Variants in TMEM135 observed in about 807,000 individuals in gnomAD.
The protein encoded by TMEM135 is transmembrane protein 135, also known as peroxisomal membrane protein 52.
Under a neutral mutation model 60.3 loss-of-function variants are expected in TMEM135, and 30 were observed. That is an observed-to-expected ratio of 0.50 (90% CI 0.37 to 0.68). The LOEUF is 0.68. Among genes scored for constraint, TMEM135 ranks in the 30% least tolerant of loss-of-function variants. The probability of loss-of-function intolerance (pLI) is 0.00; values close to 1 mark genes in which losing one functional copy is unlikely to be tolerated. For synonymous variants in TMEM135, 190 were observed against 186.7 expected, an observed-to-expected ratio of 1.02 and a Z score of -0.14; for missense variants, 468 against 548.8, an observed-to-expected ratio of 0.85 and a Z score of 1.47.
At chr11:87,205,961 A>G (rs1354591010) in intron 5 of TMEM135, among the ~76,000 whole-genome samples, 1 of 152,150 alleles carries the variant, frequency 6.6e-6, no homozygotes, top group Non-Finnish European at 1.5e-5. Flanking sequence ...CCTTGATAGA[A>G]TGAGTATGAG....
At chr11:87,275,029 G>A (rs1329609185) in intron 6 of TMEM135, among the ~76,000 whole-genome samples, 1 of 151,180 alleles carries the variant, frequency 6.6e-6, no homozygotes. Context: ...TTAATATTTT[G>A]TTGTAATATT....
chr11:87,172,594 G>A (rs997196773), intron 5 of TMEM135, among the ~76,000 whole-genome samples: 68 of 151,700 alleles, frequency 4.5e-4, no homozygotes, highest in African/African-American at 1.4e-3. Context: ...TCTTTGTTAG[G>A]GATTTCTATT....
At chr11:87,279,631 G>A (rs1942025241) in intron 6 of TMEM135, among the ~76,000 whole-genome samples, 1 of 152,138 alleles carries the variant, frequency 6.6e-6, no homozygotes. Flanking sequence ...ATTGCTTGTT[G>A]AACAGATATA....
At chr11:87,154,145 T>C (rs1437424149) in intron 4 of TMEM135, among the ~76,000 whole-genome samples, 1 of 152,154 alleles carries the variant, frequency 6.6e-6, no homozygotes, top group Non-Finnish European at 1.5e-5. Context: ...ATTTCTCCTC[T>C]CTCAGCCTCT....
At chr11:87,126,833 T>C (rs952631785) in intron 4 of TMEM135, among the ~76,000 whole-genome samples, 2 of 152,108 alleles carry the variant, frequency 1.3e-5, no homozygotes, top group Admixed American at 6.6e-5. Flanking sequence ...AAAATTTATG[T>C]TTGGATTCTG....
At chr11:87,179,833 C>T (rs1939469426) in intron 5 of TMEM135, among the ~76,000 whole-genome samples, 1 of 152,224 alleles carries the variant, frequency 6.6e-6, no homozygotes, top group Non-Finnish European at 1.5e-5. Flanking sequence ...ACAGAATACA[C>T]AGCACAGCTG....
At chr11:87,104,286 GGTCT>G (rs1027512235) in intron 4 of TMEM135, among the ~76,000 whole-genome samples, 5 of 151,932 alleles carry the variant, frequency 3.3e-5, no homozygotes, top group South Asian at 2.1e-4. Flanking sequence ...CTGTTCCGTT[GGTCT>G]GTCTGTCTTT....
intron 4 of TMEM135, among the ~76,000 whole-genome samples, chr11:87,126,741 A>G (rs900669978): frequency 6.6e-6 from 1 of 152,154 alleles, no homozygotes. Context: ...AGCAAATGCT[A>G]TAGAAATACT....
At chr11:87,202,575 G>A (rs1020210494) in intron 5 of TMEM135, among the ~76,000 whole-genome samples, 1 of 152,102 alleles carries the variant, frequency 6.6e-6, no homozygotes, top group Non-Finnish European at 1.5e-5. Context: ...TTATTAACCT[G>A]TGCAACTGTT....
rs929296520 is a variant in TMEM135 at position 87,038,555 on chromosome 11, G to T, written c.141+369G>T. Among the ~76,000 whole-genome samples the T allele has an allele frequency of 3.3e-5, 5 of 150,892 alleles. No homozygotes were observed. The South Asian group carries it at 6.3e-4, about 19-fold the overall frequency. The stretch of plus-strand genomic sequence containing the variant: ...GGAGAGGTATTTGTAGGTCAGCGAG[G>T]CTATGAGAAGGACCTGCAATCTTTC... On this transcript the variant is annotated intron_variant, in intron 1 of 14. Transcript: ENST00000305494.
intron 5 of TMEM135, among the ~76,000 whole-genome samples, chr11:87,162,176 T>G (rs1938898094): frequency 6.6e-6 from 1 of 151,986 alleles, no homozygotes; most frequent in Non-Finnish European, 1.5e-5. Flanking sequence ...TCAGAAGATG[T>G]CTTAAAGGAG....
intron 4 of TMEM135, among the ~76,000 whole-genome samples, chr11:87,104,652 C>T (rs1324174739): frequency 6.6e-6 from 1 of 151,792 alleles, no homozygotes; most frequent in African/African-American, 2.4e-5. Context: ...TTAAATATAC[C>T]CCTAAGGATT....
chr11:87,074,325 C>G (rs1172557907), intron 3 of TMEM135, among the ~76,000 whole-genome samples: 1 of 152,066 alleles, frequency 6.6e-6, no homozygotes. Context: ...AGAACAGTGC[C>G]TGACACATAG....
intron 5 of TMEM135, among the ~76,000 whole-genome samples, chr11:87,216,765 A>G (rs1439676415): frequency 1.3e-5 from 2 of 152,224 alleles, no homozygotes; most frequent in East Asian, 3.8e-4. Context: ...GCCTTAAGCC[A>G]TTTCTAAAAT....
intron 6 of TMEM135, among the ~76,000 whole-genome samples, chr11:87,262,955 T>G (rs1332447786): frequency 2.6e-5 from 4 of 152,192 alleles, no homozygotes; most frequent in Non-Finnish European, 5.9e-5. Context: ...CTGAGTTGTT[T>G]TTGTTATAAG....
At chr11:87,178,804 G>A (rs1454779306) in intron 5 of TMEM135, among the ~76,000 whole-genome samples, 1 of 151,824 alleles carries the variant, frequency 6.6e-6, no homozygotes, top group Non-Finnish European at 1.5e-5. Context: ...CCATTGTTTG[G>A]ATTACATTTT....
Position 87,276,607 on chromosome 11 carries a change from T to C in TMEM135, c.510-19175T>C, listed in dbSNP as rs1301216084. Among the ~76,000 whole-genome samples, 3 of 151,672 alleles carry C rather than the reference T, an allele frequency of 2.0e-5. No homozygotes were observed. In the East Asian group the frequency reaches 5.8e-4, roughly 29 times the overall value. On this transcript the variant is annotated intron_variant, in intron 6 of 14. Transcript: ENST00000305494. ...TCACTGGGAGAGATTTCATTGAATG[T>C]AACGCATAGAATTTTATATTCATAA...
chr11:87,269,411 T>C (rs937985237), intron 6 of TMEM135, among the ~76,000 whole-genome samples: 4 of 151,574 alleles, frequency 2.6e-5, no homozygotes, highest in African/African-American at 9.7e-5. Flanking sequence ...TAGTTACATA[T>C]GTATACATGT....
At chr11:87,236,735 G>T in intron 6 of TMEM135, 51 bp downstream of exon 6, 1 of 1,535,274 alleles carries the variant, frequency 6.5e-7, no homozygotes. Context: ...GTATCTCTTT[G>T]TAATTTCATC....
Sources: allele counts gnomAD v4.1 joint callset (sites outside exome capture counted in the v4.1 genomes callset), GRCh38; gene constraint gnomAD v4.1.1; transcripts MANE v1.5; gene names NCBI Gene and HGNC (gene_info 2026-07-23, HGNC 2026-07-21).